Variants in HS6ST3 observed in about 807,000 individuals in gnomAD.
HS6ST3 encodes the protein heparan sulfate 6-O-sulfotransferase 3.
HS6ST3 carries 12 observed loss-of-function variants against 36.7 expected under a neutral mutation model. The ratio of observed to expected loss-of-function variants is 0.33; its 90% confidence interval spans 0.21 to 0.53. The LOEUF (loss-of-function observed/expected upper bound fraction) is 0.53. Ranked by LOEUF, HS6ST3 falls within the 20% of genes least tolerant of loss-of-function variation. The pLI, the probability that HS6ST3 is intolerant of heterozygous loss-of-function variation, is 0.95. For synonymous variants in HS6ST3, 240 were observed against 257.5 expected (o/e 0.93, Z 0.65); for missense variants, 584 against 640.9 (o/e 0.91, Z 0.96).
chr13:96,286,918 G>T (rs2139396935), intron 1 of HS6ST3, among the ~76,000 whole-genome samples: 1 of 152,184 alleles, frequency 6.6e-6, no homozygotes, highest in Middle Eastern at 3.4e-3. Flanking sequence ...GCATGTGTGT[G>T]TGCCTGAGTG....
rs917309891 is a variant in HS6ST3 at position 96,258,992 on chromosome 13, T to G, written c.707+167423T>G. On this transcript the variant is annotated intron_variant, in intron 1 of 1. Transcript: ENST00000376705. ...GAGAGCTTCACAGAAGAAGAGGTAT[T>G]TGAGCTAAGTCCACCAAGCAGATAT... is the stretch of plus-strand genomic sequence containing the variant. Among the ~76,000 whole-genome samples the G allele has an allele frequency of 2.0e-5, 3 of 152,074 alleles. No homozygotes were observed. In the East Asian group the frequency reaches 5.8e-4, roughly 29 times the overall value.
intron 1 of HS6ST3, among the ~76,000 whole-genome samples, chr13:96,414,174 G>A (rs1288356937): frequency 6.6e-6 from 1 of 152,154 alleles, no homozygotes; most frequent in African/African-American, 2.4e-5. Flanking sequence ...TTGATAGTGT[G>A]TATTAAGGAG....
At chr13:96,265,792 A>G (rs2139385602) in intron 1 of HS6ST3, among the ~76,000 whole-genome samples, 1 of 152,314 alleles carries the variant, frequency 6.6e-6, no homozygotes, top group African/African-American at 2.4e-5. Context: ...ATGATAAAAT[A>G]GATGGTCACC....
intron 1 of HS6ST3, among the ~76,000 whole-genome samples, chr13:96,313,030 C>T (rs1235930444): frequency 6.6e-6 from 1 of 150,586 alleles, no homozygotes; most frequent in African/African-American, 2.4e-5. Flanking sequence ...TGTAGTTATC[C>T]TCTTTTTCAG....
At chr13:96,340,685 G>A (rs1254414635) in intron 1 of HS6ST3, among the ~76,000 whole-genome samples, 1 of 152,210 alleles carries the variant, frequency 6.6e-6, no homozygotes, top group Non-Finnish European at 1.5e-5. Context: ...TTACATGTAT[G>A]TTTCTCATAT....
At chr13:96,507,092 C>T (rs868199311) in intron 1 of HS6ST3, among the ~76,000 whole-genome samples, 1 of 152,026 alleles carries the variant, frequency 6.6e-6, no homozygotes, top group African/African-American at 2.4e-5. Flanking sequence ...ATTTAATAGA[C>T]TGAAAAAAAT....
chr13:96,458,095 C>T (rs2139489740), intron 1 of HS6ST3, among the ~76,000 whole-genome samples: 1 of 152,134 alleles, frequency 6.6e-6, no homozygotes, highest in African/African-American at 2.4e-5. Context: ...AGTATCTTTT[C>T]TTCTATTGTT....
chr13:96,311,509 C>A (rs1470509431), intron 1 of HS6ST3, among the ~76,000 whole-genome samples: 1 of 152,130 alleles, frequency 6.6e-6, no homozygotes. Flanking sequence ...TCCCCTTATT[C>A]TTTGATACTC....
chr13:96,719,848 G>A (rs1262706963), intron 1 of HS6ST3, among the ~76,000 whole-genome samples: 2 of 152,132 alleles, frequency 1.3e-5, no homozygotes, highest in Non-Finnish European at 2.9e-5. Context: ...ACTCTTGACT[G>A]CCTTGAGAGC....
At chr13:96,521,645 G>A (rs2056094018) in intron 1 of HS6ST3, among the ~76,000 whole-genome samples, 1 of 152,208 alleles carries the variant, frequency 6.6e-6, no homozygotes, top group African/African-American at 2.4e-5. Flanking sequence ...GCATAGAGGT[G>A]TTTATAGTAT....
chr13:96,602,150 G>A (rs527334808), intron 1 of HS6ST3, among the ~76,000 whole-genome samples: 1 of 152,292 alleles, frequency 6.6e-6, no homozygotes, highest in South Asian at 2.1e-4. Context: ...ATACCCCAGT[G>A]GTGGGCAGAA....
chr13:96,659,547 T>C (rs1206159477), intron 1 of HS6ST3, among the ~76,000 whole-genome samples: 2 of 152,114 alleles, frequency 1.3e-5, no homozygotes, highest in African/African-American at 4.8e-5. Context: ...ATTTTTTTGC[T>C]GTATTAATGA....
In HS6ST3 at chr13:96,390,841, G is replaced by T. The variant is rs141523447; in HGVS notation, c.707+299272G>T. ...TTGACCACCAGTTTCTGTCCTCTTT[G>T]GTCCGTCTCATACAGTTCAGGTTTC... On this transcript the variant is annotated intron_variant, in intron 1 of 1. Coordinates refer to ENST00000376705, the MANE Select transcript of HS6ST3 (RefSeq NM_153456.4). Among the ~76,000 whole-genome samples, 38 of 152,168 alleles carry T rather than the reference G, an allele frequency of 2.5e-4. No individual in the cohort carries two copies. In the East Asian group the frequency reaches 7.3e-3, roughly 29 times the overall value.
At chr13:96,272,589 A>G (rs2054726520) in intron 1 of HS6ST3, among the ~76,000 whole-genome samples, 1 of 152,048 alleles carries the variant, frequency 6.6e-6, no homozygotes, top group South Asian at 2.1e-4. Context: ...AGAAAGTTCC[A>G]GTAGCTATAA....
chr13:96,144,958 T>C (rs7400294), intron 1 of HS6ST3, among the ~76,000 whole-genome samples: 146,228 of 150,710 alleles, frequency 0.97, 71,108 homozygotes, highest in East Asian at 1. Flanking sequence ...TCCTCTATGT[T>C]CCTACAAAGG....
chr13:96,753,043 T>C (rs1018691833), intron 1 of HS6ST3, among the ~76,000 whole-genome samples: 3 of 152,216 alleles, frequency 2.0e-5, no homozygotes, highest in Non-Finnish European at 4.4e-5. Flanking sequence ...TCCCAGAGAT[T>C]TGTGTTGCCA....
At chr13:96,108,569 G>A (rs2053853238) in intron 1 of HS6ST3, among the ~76,000 whole-genome samples, 1 of 152,028 alleles carries the variant, frequency 6.6e-6, no homozygotes, top group South Asian at 2.1e-4. Context: ...GGGGCATCAT[G>A]GAACCTGCCA....
At chr13:96,660,365 ATAG>A (rs1192194825) in intron 1 of HS6ST3, among the ~76,000 whole-genome samples, 3 of 152,198 alleles carry the variant, frequency 2.0e-5, no homozygotes, top group Non-Finnish European at 2.9e-5. Flanking sequence ...TTACAAATAA[ATAG>A]TAGAAGTTTG....
intron 1 of HS6ST3, among the ~76,000 whole-genome samples, chr13:96,254,389 G>A (rs2054621662): frequency 8.0e-6 from 1 of 124,728 alleles, no homozygotes; most frequent in Non-Finnish European, 1.6e-5. Flanking sequence ...ACTCCAGCCT[G>A]GGCGATAGAG....
Sources: gnomAD v4.1 joint callset for allele counts (sites outside exome capture counted in the v4.1 genomes callset) on GRCh38, gnomAD v4.1.1 for gene constraint, MANE v1.5 for transcripts, NCBI Gene and HGNC (gene_info 2026-07-23, HGNC 2026-07-21) for gene names.